The following TLK1 variants were observed in gnomAD, a reference collection of about 807,000 sequenced individuals.
The protein encoded by TLK1 is tousled like kinase 1.
A neutral mutation model predicts 105.3 loss-of-function variants in TLK1; 24 were observed. The ratio of observed to expected loss-of-function variants is 0.23; its 90% CI spans 0.17 to 0.32. The LOEUF (loss-of-function observed/expected upper bound fraction) is 0.32. Among genes scored for constraint, TLK1 ranks in the 10% least tolerant of loss-of-function variants. The pLI is 1.00. For missense variants in TLK1, 558 were observed against 910.5 expected (o/e 0.61, Z 4.98); for synonymous variants, 321 against 310.4 (o/e 1.03, Z -0.36).
intron 1 of TLK1, among the ~76,000 whole-genome samples, chr2:171,222,992 T>C (rs1366530371): frequency 6.6e-6 from 1 of 152,052 alleles, no homozygotes; most frequent in African/African-American, 2.4e-5. Flanking sequence ...TTTTTGTATT[T>C]TTAGTAGAGA....
At chr2:171,074,047 C>T (rs573535813) in intron 3 of TLK1, among the ~76,000 whole-genome samples, 5 of 152,028 alleles carry the variant, frequency 3.3e-5, no homozygotes, top group Admixed American at 6.5e-5. Flanking sequence ...TGTGCCACCA[C>T]GACCAGCTAA....
chr2:171,008,675 G>A (rs1188902017), intron 14 of TLK1, among the ~76,000 whole-genome samples: 1 of 152,096 alleles, frequency 6.6e-6, no homozygotes, highest in Non-Finnish European at 1.5e-5. Flanking sequence ...CTTACAATCT[G>A]CTTTTTGTCT....
At chr2:171,056,926 G>C (rs1343586766) in intron 5 of TLK1, among the ~76,000 whole-genome samples, 1 of 151,874 alleles carries the variant, frequency 6.6e-6, no homozygotes, top group Non-Finnish European at 1.5e-5. Context: ...GAGCCATATA[G>C]TCCCTAATCC....
chr2:171,223,481 C>CTTTTTTTTT (rs71013025), intron 1 of TLK1, among the ~76,000 whole-genome samples: 1 of 127,008 alleles, frequency 7.9e-6, no homozygotes, highest in South Asian at 2.4e-4. Flanking sequence ...GTATTTTGCA[C>CTTTTTTTTT]TTTTTTTTTT....
At position 170,998,058 on chromosome 2, in the gene TLK1, C is replaced by CTT. The variant is rs1684154486; in HGVS notation, c.1905-236_1905-235insAA. Among the ~76,000 whole-genome samples the CTT allele has an allele frequency of 4.8e-5, 3 of 62,260 alleles. No individual in the cohort carries two copies. The Admixed American group carries it at 5.2e-4, about 11-fold the overall frequency. 40.8% of individuals were successfully genotyped at this position (62,260 alleles called of 152,430 possible). On this transcript the variant is annotated intron_variant, in intron 18 of 20. Transcript: ENST00000431350. ...TCTCTATCTATCTTTATCTATCTAT[C>CTT]TATCTATCTATCTATCTATCTATCT...
chr2:171,216,979 T>C (rs1420262769), intron 1 of TLK1, among the ~76,000 whole-genome samples: 2 of 152,220 alleles, frequency 1.3e-5, no homozygotes, highest in Admixed American at 6.5e-5. Flanking sequence ...GACACATTTC[T>C]GTTATTTTAA....
In TLK1 at chr2:171,049,947, T is replaced by C. The variant is rs1431437120; in HGVS notation, c.847A>G (p.Thr283Ala). 2.5e-6 allele frequency: 4 copies of C among 1,605,926 alleles called. No homozygotes were observed. The highest frequency in any genetic ancestry group is 2.6e-6 in the Non-Finnish European group (3 of 1,175,112). Residue 283 changes from threonine to alanine, a missense_variant, in exon 10 of 21, where the codon ACA (threonine) becomes GCA (alanine). Thr to Ala is a moderately conservative substitution (Grantham distance 58, BLOSUM62 0). Around this residue, in one of 5 missense-constraint regions of TLK1, gnomAD observed 196 missense variants for 239.3 expected, o/e 0.82. Transcript: ENST00000431350. ...TCTCTGCTTGACAGCTTTTCTTGTG[T>C]ACTCTGAAAAGGAGAAAAAAAATCA... ...MSKKLLIEKS[T>A]QEKLSSREKS...
intron 1 of TLK1, among the ~76,000 whole-genome samples, chr2:171,210,898 T>G (rs968611724): frequency 6.6e-6 from 1 of 152,172 alleles, no homozygotes; most frequent in African/African-American, 2.4e-5. Context: ...GAAGCTGCAT[T>G]TGAAGCTGAA....
intron 13 of TLK1, among the ~76,000 whole-genome samples, chr2:171,013,964 C>A (rs1685052191): frequency 1.3e-5 from 2 of 152,208 alleles, no homozygotes; most frequent in Admixed American, 6.5e-5. Flanking sequence ...ATTTTCTTTT[C>A]TTTCAATTGC....
At chr2:171,154,991 A>C (rs946161923) in intron 1 of TLK1, among the ~76,000 whole-genome samples, 1 of 152,216 alleles carries the variant, frequency 6.6e-6, no homozygotes, top group Non-Finnish European at 1.5e-5. Context: ...AATTGTTATA[A>C]GTAATGATAC....
chr2:171,142,170 A>G (rs933228088), intron 1 of TLK1, among the ~76,000 whole-genome samples: 5 of 149,006 alleles, frequency 3.4e-5, no homozygotes, highest in African/African-American at 1.2e-4. Context: ...CTAACTATTA[A>G]GCCAAGTTGG....
chr2:171,007,127 T>C, intron 14 of TLK1, 64 bp from the exon 15 acceptor site: 1 of 1,392,130 alleles, frequency 7.2e-7, no homozygotes, highest in South Asian at 1.3e-5. Flanking sequence ...GAGATGTTTT[T>C]TATTTTGGTG....
chr2:171,207,996 G>A (rs866862220), intron 1 of TLK1, among the ~76,000 whole-genome samples: 1 of 152,216 alleles, frequency 6.6e-6, no homozygotes, highest in Middle Eastern at 3.4e-3. Flanking sequence ...CAAAGTGCTG[G>A]GATTACAGGT....
intron 2 of TLK1, among the ~76,000 whole-genome samples, chr2:171,085,722 A>G (rs1688944420): frequency 6.6e-6 from 1 of 152,250 alleles, no homozygotes; most frequent in Admixed American, 6.5e-5. Flanking sequence ...CTTCCTAAAG[A>G]ATCTACTACA....
At chr2:171,129,515 C>CT (rs2105553179) in intron 1 of TLK1, among the ~76,000 whole-genome samples, 1 of 152,166 alleles carries the variant, frequency 6.6e-6, no homozygotes, top group East Asian at 1.9e-4. Flanking sequence ...TACGATCTAC[C>CT]TATTAAAGCA....
chr2:171,197,343 T>C (rs969554321), intron 1 of TLK1, among the ~76,000 whole-genome samples: 2 of 152,182 alleles, frequency 1.3e-5, no homozygotes, highest in African/African-American at 2.4e-5. Flanking sequence ...ATATTTTCTT[T>C]TATATAGCTT....
In TLK1 at chr2:171,073,103, T is replaced by C. The variant is rs117915862; in HGVS notation, c.330+9678A>G. ...ACTTTACTGAATTTATCAGTTCTAATAATTTTTTGGTACAGTCTTTAGGTT... is the reference window on the plus strand; with the variant it reads ...ACTTTACTGAATTTATCAGTTCTAACAATTTTTTGGTACAGTCTTTAGGTT... On this transcript the variant is annotated intron_variant, in intron 3 of 20. Coordinates refer to ENST00000431350, the MANE Select transcript of TLK1 (RefSeq NM_012290.5). Among the ~76,000 whole-genome samples the C allele has an allele frequency of 1.3e-3, 192 of 152,324 alleles. 1 individual carries two copies. The East Asian group carries it at 0.024, about 19-fold the overall frequency.
chr2:171,053,859 T>A lies in TLK1; in HGVS notation c.640-6A>T. 1 of 1,575,130 alleles carries A rather than the reference T, an allele frequency of 6.3e-7. No individual in the cohort carries two copies. Among genetic ancestry groups the A allele is most frequent in the Non-Finnish European group, 8.6e-7 (1 of 1,164,064 alleles). ...TTCAGCATTGTGAGATCAGTCTAAA[T>A]GAAAAAAAGTTATTTTATTATCTCC... On this transcript the variant is annotated splice_polypyrimidine_tract_variant and splice_region_variant and intron_variant, in intron 7 of 20. Transcript: ENST00000431350.
At chr2:171,084,513 TA>T (rs1688887401) in intron 2 of TLK1, among the ~76,000 whole-genome samples, 4 of 152,234 alleles carry the variant, frequency 2.6e-5, no homozygotes, top group African/African-American at 7.2e-5. Flanking sequence ...GAAGCGTGCC[TA>T]AAAACAGCAG....
Sources: allele counts gnomAD v4.1 joint callset (sites outside exome capture counted in the v4.1 genomes callset), GRCh38; gene constraint gnomAD v4.1.1; regional missense constraint gnomAD v4.1.1; transcripts MANE v1.5; gene names NCBI Gene and HGNC (gene_info 2026-07-23, HGNC 2026-07-21).